RALYL: variants seen among roughly 807,000 people sequenced by gnomAD.
RALYL encodes the protein RNA-binding Raly-like protein.
Under a neutral mutation model 35.1 loss-of-function variants are expected in RALYL, and 29 were observed. The ratio of observed to expected loss-of-function variants is 0.83; its 90% CI spans 0.61 to 1.13. The LOEUF is 1.13. Among genes scored for constraint, RALYL ranks in the 50% most tolerant of loss-of-function variants. The probability of loss-of-function intolerance (pLI) is 0.00; values close to 1 mark genes in which losing one functional copy is unlikely to be tolerated. For synonymous variants in RALYL, 120 were observed against 127.6 expected (o/e 0.94, Z 0.40); for missense variants, 359 against 360.4 (o/e 1.00, Z 0.03).
intron 2 of RALYL, among the ~76,000 whole-genome samples, chr8:84,686,597 G>C (rs987058894): frequency 6.6e-6 from 1 of 151,932 alleles, no homozygotes. Context: ...TAGAGACTGG[G>C]TTTCACCATG....
chr8:84,516,568 A>G (rs2134550250), intron 1 of RALYL, among the ~76,000 whole-genome samples: 1 of 152,238 alleles, frequency 6.6e-6, no homozygotes, highest in Admixed American at 6.5e-5. Context: ...ACTCTATTGG[A>G]CCAAAATTGA....
intron 2 of RALYL, among the ~76,000 whole-genome samples, chr8:84,717,591 T>A (rs1564425119): frequency 6.6e-6 from 1 of 152,184 alleles, no homozygotes; most frequent in Non-Finnish European, 1.5e-5. Flanking sequence ...GGCTGCAAGG[T>A]GTAAGGAATG....
At chr8:84,410,369 A>G (rs1341155271) in intron 1 of RALYL, among the ~76,000 whole-genome samples, 1 of 151,980 alleles carries the variant, frequency 6.6e-6, no homozygotes, top group Admixed American at 6.6e-5. Context: ...AATGGGATTC[A>G]TTATGGTAAT....
At chr8:84,920,047 A>AAAG (rs1849081520) in intron 8 of RALYL, among the ~76,000 whole-genome samples, 1 of 152,100 alleles carries the variant, frequency 6.6e-6, no homozygotes, top group Admixed American at 6.6e-5. Flanking sequence ...TTTAATAAAT[A>AAAG]AAGTCAAGTT....
At chr8:84,597,728 CAAG>C (rs1554738695) in intron 2 of RALYL, among the ~76,000 whole-genome samples, 1 of 152,038 alleles carries the variant, frequency 6.6e-6, no homozygotes, top group Non-Finnish European at 1.5e-5. Flanking sequence ...ATCAAAATGA[CAAG>C]AAATTTAAAT....
At chr8:84,450,580 T>C (rs1020390615) in intron 1 of RALYL, among the ~76,000 whole-genome samples, 2 of 151,992 alleles carry the variant, frequency 1.3e-5, no homozygotes, top group African/African-American at 2.4e-5. Flanking sequence ...TGCAGCACCA[T>C]TTTCACAATA....
intron 4 of RALYL, among the ~76,000 whole-genome samples, chr8:84,812,983 G>A (rs1440432395): frequency 6.6e-6 from 1 of 152,156 alleles, no homozygotes; most frequent in African/African-American, 2.4e-5. Context: ...ATTTCCTTCT[G>A]CCTGTGGTAT....
In RALYL at chr8:84,371,991, G is replaced by T. The variant is rs182631898; in HGVS notation, c.-23-157308G>T. Reference sequence around the variant, plus strand: ...GTGATTAGCAGAAGAGCTGACCAGAGTATAAAGTTTCTTACATGAATTTTT... The same window carrying T: ...GTGATTAGCAGAAGAGCTGACCAGATTATAAAGTTTCTTACATGAATTTTT... On this transcript the variant is annotated intron_variant, in intron 1 of 8. Transcript: ENST00000521268. Among the ~76,000 whole-genome samples the T allele has an allele frequency of 2.3e-3, 353 of 152,064 alleles. 1 individual carries two copies. The highest frequency in any genetic ancestry group is 8.4e-3 in the African/African-American group (347 of 41,510).
chr8:84,414,331 G>A (rs555255337), intron 1 of RALYL, among the ~76,000 whole-genome samples: 2 of 152,232 alleles, frequency 1.3e-5, no homozygotes, highest in Admixed American at 6.5e-5. Context: ...TTTCATTAAT[G>A]TGCATTTTAT....
chr8:84,324,199 A>G (rs1443339985), intron 1 of RALYL, among the ~76,000 whole-genome samples: 1 of 152,068 alleles, frequency 6.6e-6, no homozygotes. Flanking sequence ...ATTCAACTAA[A>G]TAGACTGGTT....
intron 1 of RALYL, among the ~76,000 whole-genome samples, chr8:84,426,539 A>G (rs2046486483): frequency 6.6e-6 from 1 of 151,880 alleles, no homozygotes; most frequent in South Asian, 2.1e-4. Context: ...ACTTAGTTCA[A>G]TAAGCATAAT....
chr8:84,268,582 C>T (rs935409724), intron 1 of RALYL, among the ~76,000 whole-genome samples: 2 of 152,142 alleles, frequency 1.3e-5, no homozygotes, highest in Non-Finnish European at 2.9e-5. Context: ...AGAAATACCT[C>T]TTTTACAAAT....
chr8:84,402,578 A>T (rs1042159150), intron 1 of RALYL, among the ~76,000 whole-genome samples: 6 of 152,120 alleles, frequency 3.9e-5, no homozygotes, highest in Admixed American at 1.3e-4. Context: ...GAAGGAATCA[A>T]CACTATTCTA....
At chr8:84,305,703 G>T (rs1399262581) in intron 1 of RALYL, among the ~76,000 whole-genome samples, 2 of 152,120 alleles carry the variant, frequency 1.3e-5, no homozygotes, top group Non-Finnish European at 2.9e-5. Context: ...CCCTACTAAT[G>T]GTAAGGAAAA....
At chr8:84,464,357 G>A (rs1288512144) in intron 1 of RALYL, among the ~76,000 whole-genome samples, 54 of 150,756 alleles carry the variant, frequency 3.6e-4, no homozygotes, top group African/African-American at 1.2e-3. Flanking sequence ...TGATCTCATT[G>A]TTCAATTCCC....
At chr8:84,206,358 T>C (rs892568252) in intron 1 of RALYL, among the ~76,000 whole-genome samples, 29 of 152,236 alleles carry the variant, frequency 1.9e-4, no homozygotes, top group African/African-American at 6.5e-4. Context: ...GTGACCTCAT[T>C]TGAGTAGCTG....
At chr8:84,202,555 G>A (rs1817119539) in intron 1 of RALYL, among the ~76,000 whole-genome samples, 1 of 151,880 alleles carries the variant, frequency 6.6e-6, no homozygotes, top group South Asian at 2.1e-4. Flanking sequence ...TGTATTTTTA[G>A]TAGAGACGGG....
intron 2 of RALYL, among the ~76,000 whole-genome samples, chr8:84,533,805 A>G (rs1017315200): frequency 6.6e-6 from 1 of 152,250 alleles, no homozygotes; most frequent in Admixed American, 6.5e-5. Context: ...TGGTGAATAT[A>G]CTTAACTAGA....
chr8:84,346,084 C>T (rs1483934612), intron 1 of RALYL: 1 of 984,138 alleles, frequency 1.0e-6, no homozygotes, highest in East Asian at 1.1e-4. Context: ...TATGTTTTCA[C>T]ATGAGCAATT....
Sources: allele counts gnomAD v4.1 joint callset (sites outside exome capture counted in the v4.1 genomes callset), GRCh38; gene constraint gnomAD v4.1.1; transcripts MANE v1.5; gene names NCBI Gene and HGNC (gene_info 2026-07-23, HGNC 2026-07-21).